METAP1D: variants seen among roughly 807,000 people sequenced by gnomAD.
The protein encoded by METAP1D is methionine aminopeptidase 1D, mitochondrial.
Under a neutral mutation model 40.5 loss-of-function variants are expected in METAP1D, and 31 were observed. The observed-to-expected ratio is 0.77, with a 90% CI of 0.58 to 1.03. The LOEUF is 1.03. METAP1D is among the 50% of genes least tolerant of loss of function. The pLI, the probability that METAP1D is intolerant of heterozygous loss-of-function variation, is 0.00. For missense variants in METAP1D, 411 were observed against 420.7 expected (o/e 0.98, Z 0.20); for synonymous variants, 151 against 146.4 (o/e 1.03, Z -0.22).
intron 1 of METAP1D, among the ~76,000 whole-genome samples, chr2:172,046,788 T>C (rs144705099): frequency 7.7e-4 from 118 of 152,334 alleles, no homozygotes; most frequent in Middle Eastern, 3.4e-3. Flanking sequence ...TCCGCATAAT[T>C]TTAAAGATAA....
chr2:172,021,425 C>T (rs1429137331), intron 1 of METAP1D, among the ~76,000 whole-genome samples: 1 of 152,196 alleles, frequency 6.6e-6, no homozygotes, highest in African/African-American at 2.4e-5. Flanking sequence ...AAATTAATGT[C>T]ACCTGCAGAG....
intron 1 of METAP1D, among the ~76,000 whole-genome samples, chr2:172,033,581 C>G (rs1409661435): frequency 1.3e-5 from 2 of 151,928 alleles, no homozygotes; most frequent in African/African-American, 4.8e-5. Context: ...GTTTCGAATT[C>G]CTGACCTCAA....
chr2:172,074,660 A>G (rs889558940), intron 6 of METAP1D, among the ~76,000 whole-genome samples: 1 of 152,194 alleles, frequency 6.6e-6, no homozygotes, highest in African/African-American at 2.4e-5. Flanking sequence ...CAAAAATATT[A>G]CTAATTGTAC....
intron 3 of METAP1D, among the ~76,000 whole-genome samples, chr2:172,064,808 C>T (rs907729756): frequency 4.6e-5 from 7 of 151,950 alleles, no homozygotes; most frequent in Non-Finnish European, 7.4e-5. Flanking sequence ...ACTTACAACA[C>T]GGCTAAACAT....
intron 1 of METAP1D, among the ~76,000 whole-genome samples, chr2:172,041,458 CAAA>C (rs782636305): frequency 1.2e-4 from 11 of 94,902 alleles, no homozygotes; most frequent in Non-Finnish European, 1.7e-4. Context: ...GACTCTGTAT[CAAA>C]AAAAAAAAAA....
intron 1 of METAP1D, among the ~76,000 whole-genome samples, chr2:172,013,413 A>G (rs905654663): frequency 6.6e-6 from 1 of 152,218 alleles, no homozygotes; most frequent in Non-Finnish European, 1.5e-5. Context: ...GACCGGGGGC[A>G]GGAGTTATTA....
intron 1 of METAP1D, among the ~76,000 whole-genome samples, chr2:172,008,238 G>C (rs1229498124): frequency 2.0e-5 from 3 of 152,130 alleles, no homozygotes; most frequent in Non-Finnish European, 2.9e-5. Context: ...TGGAGACATT[G>C]TGGCCTGGAG....
At chr2:172,045,819 GTATATATATA>G (rs796640775) in intron 1 of METAP1D, among the ~76,000 whole-genome samples, 541 of 15,092 alleles carry the variant, frequency 0.036, 9 homozygotes, top group Admixed American at 0.12. Context: ...GTGTGTGTGT[GTATATATATA>G]TATATATATA....
intron 1 of METAP1D, among the ~76,000 whole-genome samples, chr2:172,019,655 C>G: frequency 6.6e-6 from 1 of 152,094 alleles, no homozygotes; most frequent in Non-Finnish European, 1.5e-5. Flanking sequence ...GTGCAGCGGC[C>G]TCTTCCGTCA....
intron 1 of METAP1D, among the ~76,000 whole-genome samples, chr2:172,051,200 C>T (rs1181566678): frequency 6.6e-6 from 1 of 152,092 alleles, no homozygotes; most frequent in Non-Finnish European, 1.5e-5. Flanking sequence ...TAGTTTTATA[C>T]TTGAGTTCTG....
intron 1 of METAP1D, among the ~76,000 whole-genome samples, chr2:172,020,756 TG>T (rs1208441791): frequency 3.3e-5 from 5 of 152,218 alleles, no homozygotes; most frequent in Non-Finnish European, 7.3e-5. Flanking sequence ...TTCTTTTATT[TG>T]TCAGTGTTTA....
At position 172,016,300 on chromosome 2, in the gene METAP1D, A is replaced by AATATATATAT. The variant is rs1188835723; in HGVS notation, c.40+16313_40+16322dup. 3.8e-3 allele frequency among the ~76,000 whole-genome samples: 154 copies of AATATATATAT among 40,046 alleles called. 4 individuals are homozygous for AATATATATAT. The highest frequency in any genetic ancestry group is 4.9e-3 in the Non-Finnish European group (106 of 21,792). 26.3% of individuals were successfully genotyped at this position (40,046 alleles called of 152,430 possible). A position where few individuals can be genotyped will look rare whatever the true frequency, so the allele number is the denominator to read the frequency against. ...CAAAAAAAAAAAAAAAAAAAAAAAAAATATATATATATATATATATATATA... is the reference window on the plus strand; with the variant it reads ...CAAAAAAAAAAAAAAAAAAAAAAAAAATATATATATATATATATATATATATATATATATA... On this transcript the variant is annotated intron_variant, in intron 1 of 9. Transcript: ENST00000315796.
intron 1 of METAP1D, among the ~76,000 whole-genome samples, chr2:172,009,452 ATT>A (rs1688661085): frequency 6.7e-6 from 1 of 148,566 alleles, no homozygotes; most frequent in African/African-American, 2.4e-5. Flanking sequence ...TGACCAATGA[ATT>A]TTTGTTTCGG....
At chr2:172,035,409 C>T (rs1445205368) in intron 1 of METAP1D, among the ~76,000 whole-genome samples, 1 of 152,152 alleles carries the variant, frequency 6.6e-6, no homozygotes, top group Non-Finnish European at 1.5e-5. Flanking sequence ...CGTGATCCTA[C>T]CGCCTCCGCC....
intron 1 of METAP1D, among the ~76,000 whole-genome samples, chr2:172,025,334 T>C (rs1574100517): frequency 6.6e-6 from 1 of 152,234 alleles, no homozygotes; most frequent in East Asian, 1.9e-4. Flanking sequence ...AAAATTATTA[T>C]TATTATTATT....
At chr2:172,045,699 A>ATGTGTGTGTGTGTGTGTGTG (rs796722451) in intron 1 of METAP1D, among the ~76,000 whole-genome samples, 1 of 82,218 alleles carries the variant, frequency 1.2e-5, no homozygotes, top group Non-Finnish European at 2.2e-5. Context: ...ATTCATATAT[A>ATGTGTGTGTGTGTGTGTGTG]TGTGTGTGTG....
At chr2:172,078,429 A>G (rs906579712) in intron 7 of METAP1D, among the ~76,000 whole-genome samples, 1 of 152,104 alleles carries the variant, frequency 6.6e-6, no homozygotes, top group African/African-American at 2.4e-5. Context: ...TGTGCACCCT[A>G]TAGTGAGAAG....
intron 7 of METAP1D, 72 bp from the exon 8 acceptor site, chr2:172,079,143 C>A: frequency 6.7e-7 from 1 of 1,492,140 alleles, no homozygotes; most frequent in Non-Finnish European, 9.3e-7. Flanking sequence ...AGGGGCCTGA[C>A]CCCTGTAATC....
chr2:172,031,557 C>G (rs1474237463), intron 1 of METAP1D, among the ~76,000 whole-genome samples: 1 of 152,210 alleles, frequency 6.6e-6, no homozygotes, highest in African/African-American at 2.4e-5. Context: ...TGCTTTCTCT[C>G]TCTTTTTGAG....
Sources: allele counts gnomAD v4.1 joint callset (sites outside exome capture counted in the v4.1 genomes callset), GRCh38; gene constraint gnomAD v4.1.1; transcripts MANE v1.5; gene names NCBI Gene and HGNC (gene_info 2026-07-23, HGNC 2026-07-21).